Variants in NAALADL2 observed in about 807,000 individuals in gnomAD.
NAALADL2 encodes the protein N-acetylated alpha-linked acidic dipeptidase like 2.
Under a neutral mutation model 87.2 loss-of-function variants are expected in NAALADL2, and 76 were observed. The ratio of observed to expected loss-of-function variants is 0.87; its 90% CI spans 0.72 to 1.05. The LOEUF (loss-of-function observed/expected upper bound fraction) is 1.05. NAALADL2 is among the 50% of genes least tolerant of loss of function. The pLI, the probability that NAALADL2 is intolerant of heterozygous loss-of-function variation, is 0.00. For synonymous variants in NAALADL2, 354 were observed against 331.0 expected (o/e 1.07, Z -0.75); for missense variants, 1,089 against 945.8 (o/e 1.15, Z -1.99).
At chr3:175,223,815 C>T (rs1580999886) in intron 2 of NAALADL2, among the ~76,000 whole-genome samples, 1 of 152,198 alleles carries the variant, frequency 6.6e-6, no homozygotes, top group East Asian at 1.9e-4. Context: ...ATAATATTCT[C>T]AGTACTTGGG....
intron 2 of NAALADL2, among the ~76,000 whole-genome samples, chr3:174,600,440 G>T (rs943029983): frequency 6.6e-6 from 1 of 151,900 alleles, no homozygotes; most frequent in Non-Finnish European, 1.5e-5. Context: ...ATGGTTTTCA[G>T]ATATATATAT....
intron 2 of NAALADL2, among the ~76,000 whole-genome samples, chr3:174,669,690 GTTCTTT>G (rs1726335475): frequency 6.6e-6 from 1 of 151,962 alleles, no homozygotes; most frequent in Non-Finnish European, 1.5e-5. Flanking sequence ...TTCTAATTTT[GTTCTTT>G]TTCAAGATTG....
chr3:174,907,110 T>C (rs1733072311), intron 1 of NAALADL2, among the ~76,000 whole-genome samples: 1 of 152,128 alleles, frequency 6.6e-6, no homozygotes, highest in Non-Finnish European at 1.5e-5. Flanking sequence ...AACTCATTTA[T>C]ATTTGATCTG....
At chr3:175,794,212 A>G (rs747268255) in intron 13 of NAALADL2, among the ~76,000 whole-genome samples, 3 of 152,220 alleles carry the variant, frequency 2.0e-5, no homozygotes, top group Non-Finnish European at 2.9e-5. Context: ...GGAGGTTGAC[A>G]GGTTCTACCT....
chr3:175,478,788 G>A (rs16825794), intron 9 of NAALADL2, among the ~76,000 whole-genome samples: 4,643 of 151,780 alleles, frequency 0.031, 215 homozygotes, highest in African/African-American at 0.11. Flanking sequence ...ACTGTTGGGA[G>A]GTTAGATAAA....
intron 9 of NAALADL2, among the ~76,000 whole-genome samples, chr3:175,571,840 G>T (rs1205789160): frequency 6.6e-6 from 1 of 152,170 alleles, no homozygotes; most frequent in African/African-American, 2.4e-5. Context: ...TAGCTTTTGG[G>T]TTATCTGGGC....
intron 1 of NAALADL2, among the ~76,000 whole-genome samples, chr3:175,048,122 T>C (rs1754906225): frequency 6.6e-6 from 1 of 152,188 alleles, no homozygotes; most frequent in Non-Finnish European, 1.5e-5. Flanking sequence ...TAAAAAGTAA[T>C]TGAAAGCTAC....
intron 3 of NAALADL2, among the ~76,000 whole-genome samples, chr3:174,738,326 G>T (rs1305293135): frequency 6.6e-6 from 1 of 152,168 alleles, no homozygotes; most frequent in African/African-American, 2.4e-5. Flanking sequence ...AGAACCAAGA[G>T]CTGAGACATT....
intron 2 of NAALADL2, among the ~76,000 whole-genome samples, chr3:175,173,966 A>AT (rs66780267): frequency 1.3e-5 from 2 of 151,858 alleles, no homozygotes; most frequent in East Asian, 1.9e-4. Context: ...TTCAGTTTGA[A>AT]TTTTTTTTTT....
intron 11 of NAALADL2, among the ~76,000 whole-genome samples, chr3:175,688,257 CAG>C (rs2149905560): frequency 1.3e-5 from 2 of 152,094 alleles, no homozygotes; most frequent in East Asian, 3.9e-4. Context: ...TATTTTAATT[CAG>C]ATTTATTTTC....
intron 10 of NAALADL2, among the ~76,000 whole-genome samples, chr3:175,579,075 GCTGCTT>G (rs1719352677): frequency 6.6e-6 from 1 of 152,130 alleles, no homozygotes; most frequent in African/African-American, 2.4e-5. Flanking sequence ...TAATTTTATA[GCTGCTT>G]CCACTTTCAA....
At position 175,124,817 on chromosome 3, in the gene NAALADL2, G is replaced by A. The variant is rs536217170; in HGVS notation, c.545+27526G>A. On this transcript the variant is annotated intron_variant, in intron 2 of 13. Transcript: ENST00000454872. ...GATAGCTATTTGGTGAGAGTATTGT[G>A]TCCCAAAGAAACTTTATGAGATAAT... 2.0e-5 allele frequency among the ~76,000 whole-genome samples: 3 copies of A among 152,096 alleles called. No homozygotes were observed. In the East Asian group the frequency reaches 5.8e-4, roughly 29 times the overall value.
intron 2 of NAALADL2, among the ~76,000 whole-genome samples, chr3:174,622,597 T>G (rs1721116650): frequency 6.6e-6 from 1 of 152,176 alleles, no homozygotes; most frequent in Non-Finnish European, 1.5e-5. Flanking sequence ...CAACCGTCAA[T>G]TAATGCCTAT....
intron 1 of NAALADL2, among the ~76,000 whole-genome samples, chr3:174,938,572 C>G (rs572650411): frequency 1.3e-5 from 2 of 152,188 alleles, no homozygotes; most frequent in African/African-American, 2.4e-5. Flanking sequence ...AATGGTAGTT[C>G]TGCTTTTAGC....
intron 1 of NAALADL2, among the ~76,000 whole-genome samples, chr3:174,934,196 A>C (rs974563407): frequency 6.6e-6 from 1 of 152,214 alleles, no homozygotes; most frequent in Non-Finnish European, 1.5e-5. Flanking sequence ...TCCTATTTCT[A>C]GCACCTAAAG....
At chr3:174,621,834 T>C (rs189543227) in intron 2 of NAALADL2, among the ~76,000 whole-genome samples, 4 of 152,276 alleles carry the variant, frequency 2.6e-5, no homozygotes, top group African/African-American at 9.6e-5. Flanking sequence ...ACTAATTAGA[T>C]GTAAAAAATA....
intron 5 of NAALADL2, among the ~76,000 whole-genome samples, chr3:175,353,506 C>T (rs17205180): frequency 0.63 from 95,520 of 152,006 alleles, 30,193 homozygotes; most frequent in East Asian, 0.67. Context: ...CTGCATTAAA[C>T]AATTTCAAAG....
intron 5 of NAALADL2, among the ~76,000 whole-genome samples, chr3:175,393,801 T>C (rs2149030847): frequency 6.6e-6 from 1 of 152,330 alleles, no homozygotes; most frequent in South Asian, 2.1e-4. Context: ...AACGCTCTTG[T>C]CCAACACACT....
At chr3:175,351,146 A>G (rs16825530) in intron 5 of NAALADL2, among the ~76,000 whole-genome samples, 8,031 of 152,192 alleles carry the variant, frequency 0.053, 717 homozygotes, top group African/African-American at 0.18. Context: ...CTCACTTTTC[A>G]AGGTCACTTA....
Sources: gnomAD v4.1 joint callset for allele counts (sites outside exome capture counted in the v4.1 genomes callset) on GRCh38, gnomAD v4.1.1 for gene constraint, MANE v1.5 for transcripts, NCBI Gene and HGNC (gene_info 2026-07-23, HGNC 2026-07-21) for gene names.